Variants in ZC3H12B observed in about 807,000 individuals in gnomAD.
The protein encoded by ZC3H12B is probable ribonuclease ZC3H12B.
ZC3H12B carries 7 observed loss-of-function variants against 43.9 expected under a neutral mutation model. That is an observed-to-expected ratio of 0.16 (90% confidence interval 0.09 to 0.30). ZC3H12B has a LOEUF of 0.30. ZC3H12B is among the 10% of genes least tolerant of loss of function. The pLI, the probability that ZC3H12B is intolerant of heterozygous loss-of-function variation, is 1.00. For synonymous variants in ZC3H12B, 222 were observed against 241.7 expected, an observed-to-expected ratio of 0.92 and a Z score of 0.76; for missense variants, 475 against 670.2, an observed-to-expected ratio of 0.71 and a Z score of 3.22.
At chrX:65,303,915 G>A in the ZC3H12B span, among the ~76,000 whole-genome samples, 1 of 112,455 alleles carries the variant, frequency 8.9e-6, no homozygotes, top group African/African-American at 3.2e-5. Context: ...AGAGAGATCT[G>A]TAATACTCTT....
chrX:65,355,268 C>A, the ZC3H12B span, among the ~76,000 whole-genome samples: 1 of 111,517 alleles, frequency 9.0e-6, no homozygotes, highest in African/African-American at 3.3e-5. Flanking sequence ...GATCTCGCTG[C>A]AGAAACCCTA....
At chrX:65,343,690 C>G in the ZC3H12B span, among the ~76,000 whole-genome samples, 2 of 111,822 alleles carry the variant, frequency 1.8e-5, no homozygotes, top group African/African-American at 6.5e-5. Context: ...AATAATGAGC[C>G]ATTTATAATA....
At chrX:65,257,183 G>A in the ZC3H12B span, among the ~76,000 whole-genome samples, 3 of 111,973 alleles carry the variant, frequency 2.7e-5, no homozygotes, top group Non-Finnish European at 3.8e-5. Flanking sequence ...ATTCACAACA[G>A]CAAAGACTTG....
chrX:65,045,268 G>A, the ZC3H12B span, among the ~76,000 whole-genome samples: 1 of 111,788 alleles, frequency 8.9e-6, no homozygotes, highest in Non-Finnish European at 1.9e-5. Context: ...TCTTTCACAA[G>A]AGGTTTATCT....
chrX:65,353,876 A>G, the ZC3H12B span, among the ~76,000 whole-genome samples: 1 of 111,587 alleles, frequency 9.0e-6, no homozygotes, highest in East Asian at 2.8e-4. Flanking sequence ...AGCCCACCAC[A>G]GTTTGGCAAA....
the ZC3H12B span, among the ~76,000 whole-genome samples, chrX:65,058,102 C>A: frequency 8.9e-6 from 1 of 112,343 alleles, no homozygotes; most frequent in Non-Finnish European, 1.9e-5. Flanking sequence ...CATTCTCTGT[C>A]CAGTTTTTTC....
the ZC3H12B span, among the ~76,000 whole-genome samples, chrX:65,250,182 C>T: frequency 9.1e-6 from 1 of 110,452 alleles, no homozygotes; most frequent in Non-Finnish European, 1.9e-5. Flanking sequence ...TGAGAACATG[C>T]AGTGTTTGGT....
At chrX:65,450,822 T>C (rs992321808) in intron 3 of ZC3H12B, among the ~76,000 whole-genome samples, 1 of 74,583 alleles carries the variant, frequency 1.3e-5, no homozygotes, top group Non-Finnish European at 2.2e-5. Context: ...TATGTATATA[T>C]ATACATATGT....
chrX:65,499,876 C>A lies in ZC3H12B; in HGVS notation c.984-7C>A, dbSNP rs756109798. ...AAGACAGTCACCTCTTGCTTACTTG[C>A]TTTCAGATTTATGCCTCCAGATGAT... On this transcript the variant is annotated splice_region_variant and splice_polypyrimidine_tract_variant and intron_variant, in intron 3 of 4. Transcript: ENST00000338957. The A allele has an allele frequency of 8.3e-7, 1 of 1,204,013 alleles. No individual in the cohort carries two copies. Among genetic ancestry groups the A allele is most frequent in the Middle Eastern group, 2.3e-4 (1 of 4,330 alleles).
the ZC3H12B span, among the ~76,000 whole-genome samples, chrX:65,276,569 CTATAAGCCAAGGA>C: frequency 1.3e-4 from 14 of 111,024 alleles, no homozygotes; most frequent in African/African-American, 4.6e-4. Flanking sequence ...GAAAAAAAAA[CTATAAGCCAAGGA>C]TTTTATTTCC....
exon 1 of ZC3H12B, chrX:65,488,830 C>A: frequency 8.3e-7 from 1 of 1,202,959 alleles, no homozygotes; most frequent in Non-Finnish European, 1.1e-6. Context: ...GTAGAGACAC[C>A]AAAAATGGAG....
At chrX:65,434,345 T>C (rs1014053175) in intron 3 of ZC3H12B, among the ~76,000 whole-genome samples, 3 of 112,222 alleles carry the variant, frequency 2.7e-5, no homozygotes, top group African/African-American at 9.7e-5. Flanking sequence ...ACTGTAGCAT[T>C]CCAATCTTCC....
chrX:65,061,347 T>G, the ZC3H12B span, among the ~76,000 whole-genome samples: 1 of 110,906 alleles, frequency 9.0e-6, no homozygotes, highest in Non-Finnish European at 1.9e-5. Flanking sequence ...CCCCAGTGTG[T>G]GATGTTCCGC....
chrX:65,042,517 C>T, the ZC3H12B span, among the ~76,000 whole-genome samples: 2 of 112,522 alleles, frequency 1.8e-5, no homozygotes, highest in African/African-American at 3.2e-5. Flanking sequence ...CCCTGAAACT[C>T]AGTTAACTAA....
chrX:65,044,091 A>G, the ZC3H12B span, among the ~76,000 whole-genome samples: 1 of 111,843 alleles, frequency 8.9e-6, no homozygotes, highest in Non-Finnish European at 1.9e-5. Flanking sequence ...ACCATCAGAT[A>G]ATGATAAGAG....
the ZC3H12B span, among the ~76,000 whole-genome samples, chrX:65,227,429 A>G: frequency 1.8e-5 from 2 of 111,707 alleles, no homozygotes; most frequent in Non-Finnish European, 1.9e-5. Flanking sequence ...AAGAGAAAGC[A>G]GGAAAGATCC....
the ZC3H12B span, among the ~76,000 whole-genome samples, chrX:65,197,640 T>G: frequency 8.9e-6 from 1 of 112,307 alleles, no homozygotes; most frequent in Non-Finnish European, 1.9e-5. Context: ...CCTATTTATG[T>G]CATTCCCCAA....
the ZC3H12B span, among the ~76,000 whole-genome samples, chrX:65,258,330 C>G: frequency 9.0e-6 from 1 of 111,725 alleles, no homozygotes; most frequent in Non-Finnish European, 1.9e-5. Context: ...ATGATTATCT[C>G]AATAGATGTA....
chrX:65,507,106 G>C (rs2148251621), exon 5 of ZC3H12B: 1 of 112,039 alleles, frequency 8.9e-6, no homozygotes, highest in African/African-American at 3.2e-5. Context: ...TTCTAACATA[G>C]AAGAGTTCAT....
Sources: gnomAD v4.1 joint callset for allele counts (sites outside exome capture counted in the v4.1 genomes callset) on GRCh38, gnomAD v4.1.1 for gene constraint, MANE v1.5 for transcripts, NCBI Gene and HGNC (gene_info 2026-07-23, HGNC 2026-07-21) for gene names.